SLC2A4RG: variants seen among roughly 807,000 people sequenced by gnomAD.
SLC2A4RG encodes the protein GLUT4 enhancer factor.
In SLC2A4RG, 23 loss-of-function variants were observed where a neutral mutation model predicts 35.5. That is an observed-to-expected ratio of 0.65 (90% CI 0.47 to 0.92). The LOEUF is 0.92. Among genes scored for constraint, SLC2A4RG ranks in the 40% least tolerant of loss-of-function variants. The pLI is 0.00. For missense variants in SLC2A4RG, 539 were observed against 525.0 expected, an observed-to-expected ratio of 1.03 and a Z score of -0.26; for synonymous variants, 306 against 243.7, an observed-to-expected ratio of 1.26 and a Z score of -2.38.
chr20:63,740,970 G>C (rs1170829997), intron 2 of SLC2A4RG, among the ~76,000 whole-genome samples: 1 of 152,174 alleles, frequency 6.6e-6, no homozygotes, highest in Non-Finnish European at 1.5e-5. Flanking sequence ...GGCTGCTGCC[G>C]GCTGCTGGCC....
Position 63,742,806 on chromosome 20 carries a change from G to C in SLC2A4RG, c.1052+16G>C. The C allele has an allele frequency of 6.4e-7, 1 of 1,574,720 alleles. No individual in the cohort carries two copies. The highest frequency in any genetic ancestry group is 8.6e-7 in the Non-Finnish European group (1 of 1,159,078). ...TCACCCTGAGGTGCGTGTGGGCTGAGGGCCTGCGGCTGGCACCAGGTGGGG... is the reference window on the plus strand; with the variant it reads ...TCACCCTGAGGTGCGTGTGGGCTGACGGCCTGCGGCTGGCACCAGGTGGGG... On this transcript the variant is annotated intron_variant, in intron 7 of 7. Coordinates refer to ENST00000266077, the MANE Select transcript of SLC2A4RG (RefSeq NM_020062.4).
chr20:63,741,907 C>A lies in SLC2A4RG; in HGVS notation c.430C>A (p.Pro144Thr), dbSNP rs759506230. 1.9e-6 allele frequency: 3 copies of A among 1,610,598 alleles called. No individual in the cohort carries two copies. The highest frequency in any genetic ancestry group is 2.5e-6 in the Non-Finnish European group (3 of 1,179,088). The part of the protein sequence containing the change: ...LEPWKEALVR[P>T]PGSYSSSSNS... ...GCCCTGGAAGGAGGCCCTGGTGCGG[C>A]CCCCAGGCAGCTACAGCAGCAGCAG... The change falls in exon 4 of 8, where the codon CCC (proline) becomes ACC (threonine). Residue 144 changes from proline (P) to threonine (T), a missense_variant. By Grantham distance (38) the Pro-to-Thr change is conservative (BLOSUM62 -1). Transcript: ENST00000266077.
chr20:63,741,468 C>T lies in SLC2A4RG; in HGVS notation c.380C>T (p.Ala127Val), dbSNP rs1390555575. Reference sequence around the variant, plus strand: ...CTCCTTCTGGGGGCCCCGGTTGCAGCCTTCAGCCCAGGTAAGACTCAGATG... The same window carrying T: ...CTCCTTCTGGGGGCCCCGGTTGCAGTCTTCAGCCCAGGTAAGACTCAGATG... ...SPLLLGAPVA[A>V]FSPEPGLEPW... The change falls in exon 3 of 8, where the codon GCC (alanine) becomes GTC (valine). Residue 127 changes from alanine (A) to valine (V), a missense_variant. Coordinates refer to ENST00000266077, the MANE Select transcript of SLC2A4RG (RefSeq NM_020062.4). 1.2e-6 allele frequency: 2 copies of T among 1,613,168 alleles called. No homozygotes were observed. The highest frequency in any genetic ancestry group is 1.7e-6 in the Non-Finnish European group (2 of 1,179,714).
chr20:63,743,732 C>T lies in SLC2A4RG; in HGVS notation c.*742C>T, dbSNP rs907553734. 6.6e-6 allele frequency: 1 copy of T among 152,386 alleles called. No homozygotes were observed. The highest frequency in any genetic ancestry group is 2.1e-4 in the South Asian group (1 of 4,828). The allele number at this position is 152,386 out of a possible 1,614,324, so 9.4% of individuals were successfully genotyped here. ...TTTGCAAGGATGTCTAAGCTAATCCCGTCACAGAAAGGAAACGCACAGGCG... is the reference window on the plus strand; with the variant it reads ...TTTGCAAGGATGTCTAAGCTAATCCTGTCACAGAAAGGAAACGCACAGGCG... On this transcript the variant is annotated 3_prime_UTR_variant, in exon 8 of 8. Coordinates refer to ENST00000266077, the MANE Select transcript of SLC2A4RG (RefSeq NM_020062.4).
At position 63,742,506 on chromosome 20, in the gene SLC2A4RG, C is replaced by A; in HGVS notation, c.851C>A (p.Pro284His). Residue 284 changes from proline to histidine, a missense_variant, in exon 6 of 8, where the codon CCC becomes CAC. Physicochemically the swap from Pro to His is moderately conservative, Grantham distance 77. Coordinates refer to ENST00000266077, the MANE Select transcript of SLC2A4RG (RefSeq NM_020062.4). ...CTGGAGCTGCCAGAGCTGCTGGAGC[C>A]CCCAGCCCTGCCTAGTCCCCTGCGG... ...PRLELPELLE[P>H]PALPSPLRPP... 6.4e-7 allele frequency: 1 copy of A among 1,568,232 alleles called. No homozygotes were observed. The highest frequency in any genetic ancestry group is 8.6e-7 in the Non-Finnish European group (1 of 1,157,324).
rs1166131517 is a variant in SLC2A4RG, at chr20:63,742,166, A to T, written c.616A>T (p.Ser206Cys). 6.2e-7 allele frequency: 1 copy of T among 1,605,038 alleles called. No individual in the cohort carries two copies. The highest frequency in any genetic ancestry group is 1.3e-5 in the African/African-American group (1 of 74,630). ...AQVMFQCLWK[S>C]CGKVLSTASA... ...GGTCATGTTCCAGTGTCTGTGGAAGAGCTGCGGGAAGGTGCTGAGCACGGC... is the reference window on the plus strand; with the variant it reads ...GGTCATGTTCCAGTGTCTGTGGAAGTGCTGCGGGAAGGTGCTGAGCACGGC... Residue 206 changes from serine to cysteine, a missense_variant, in exon 5 of 8, where the codon AGC becomes TGC. Coordinates refer to ENST00000266077, the MANE Select transcript of SLC2A4RG (RefSeq NM_020062.4).
Position 63,741,438 on chromosome 20 carries a change from G to A in SLC2A4RG, c.350G>A (p.Ser117Asn). Residue 117 changes from serine to asparagine, a missense_variant, in exon 3 of 8, where the codon AGC becomes AAC. Coordinates refer to ENST00000266077, the MANE Select transcript of SLC2A4RG (RefSeq NM_020062.4). ...AAAALTSLST[S>N]PLLLGAPVAA... The stretch of plus-strand genomic sequence containing the variant: ...GCTGCCCTTACAAGCCTGTCCACCA[G>A]CCCTCTCCTTCTGGGGGCCCCGGTT... 1 of 1,613,466 alleles carries A rather than the reference G, an allele frequency of 6.2e-7. No individual in the cohort carries two copies. Among genetic ancestry groups the A allele is most frequent in the Non-Finnish European group, 8.5e-7 (1 of 1,179,930 alleles).
At chr20:63,742,673 G>A (rs1179543866) in intron 6 of SLC2A4RG, 26 bp from the exon 7 acceptor site, 7 of 1,595,002 alleles carry the variant, frequency 4.4e-6, no homozygotes, top group Non-Finnish European at 6.0e-6. Context: ...GGAGGGGAGT[G>A]AAGCCCTGGC....
chr20:63,742,586 C>G lies in SLC2A4RG; in HGVS notation c.931C>G (p.Gln311Glu), dbSNP rs776097911. 14 of 1,578,724 alleles carry G rather than the reference C, an allele frequency of 8.9e-6. No homozygotes were observed. The highest frequency in any genetic ancestry group is 1.2e-5 in the South Asian group (1 of 86,452). ...TGTCCTGAGCACCGTTGCTAACCCC[C>G]AGTCCTGTCACAGTGACCGTGTCTA... The part of the protein sequence containing the change: ...PPVLSTVANP[Q>E]SCHSDRVYQG... Residue 311 changes from glutamine (Q) to glutamate (E), a missense_variant, in exon 6 of 8, where the codon CAG (glutamine) becomes GAG (glutamate). Transcript: ENST00000266077.
chr20:63,741,780 C>CA lies in SLC2A4RG; in HGVS notation c.392-88dup. The stretch of plus-strand genomic sequence containing the variant: ...TCCAAGACGCTCTGCCCACCAGTCT[C>CA]ACCGGACTTGGTGAACAGGGGCAGC... On this transcript the variant is annotated intron_variant, in intron 3 of 7. Transcript: ENST00000266077. 4 of 1,462,316 alleles carry CA rather than the reference C, an allele frequency of 2.7e-6. No homozygotes were observed. In the East Asian group the frequency reaches 7.5e-5, roughly 27 times the overall value. The allele number at this position is 1,462,316 out of a possible 1,614,324, so 90.6% of individuals were successfully genotyped here.
Position 63,740,045 on chromosome 20 carries a change from GGCGCCGGTGGGCGGGGGC to G in SLC2A4RG, c.126+10_126+27del. The G allele has an allele frequency of 1.0e-6, 1 of 976,422 alleles. No homozygotes were observed. Among genetic ancestry groups the G allele is most frequent in the Non-Finnish European group, 1.2e-6 (1 of 823,722 alleles). The allele number at this position is 976,422 out of a possible 1,614,324, so 60.5% of individuals were successfully genotyped here. The stretch of plus-strand genomic sequence containing the variant: ...GGTGCCCACGCCGCCGCAGGTACCG[GGCGCCGGTGGGCGGGGGC>G]GCCGACCAAGTTTCTCTCGCTGCAA... On this transcript the variant is annotated splice_region_variant and intron_variant, in intron 1 of 7. Transcript: ENST00000266077.
intron 2 of SLC2A4RG, among the ~76,000 whole-genome samples, chr20:63,740,799 G>A (rs2092037669): frequency 6.6e-6 from 1 of 152,180 alleles, no homozygotes; most frequent in Non-Finnish European, 1.5e-5. Context: ...CTGCGCGGTC[G>A]GCATGGGGCG....
chr20:63,740,814 T>C (rs1420232192), intron 2 of SLC2A4RG, among the ~76,000 whole-genome samples: 1 of 152,126 alleles, frequency 6.6e-6, no homozygotes, highest in Non-Finnish European at 1.5e-5. Context: ...GGGGCGACTG[T>C]CCAGGAATCC....
At chr20:63,742,812 G>A in intron 7 of SLC2A4RG, 22 bp downstream of exon 7, 1 of 1,574,396 alleles carries the variant, frequency 6.4e-7, no homozygotes, top group Non-Finnish European at 8.6e-7. Flanking sequence ...CTGAGGGCCT[G>A]CGGCTGGCAC....
Position 63,742,729 on chromosome 20 carries a change from C to T in SLC2A4RG, c.991C>T (p.Gln331Ter), listed in dbSNP as rs781392838. 6.3e-7 allele frequency: 1 copy of T among 1,598,160 alleles called. No homozygotes were observed. The highest frequency in any genetic ancestry group is 8.5e-7 in the Non-Finnish European group (1 of 1,173,494). Residue 331 changes from glutamine to a stop codon, truncating the protein, a stop_gained, in exon 7 of 8, where the codon CAG (glutamine) becomes TAG (stop). Transcript: ENST00000266077. LOFTEE classifies it high-confidence loss of function. Reference protein sequence around the residue: ...GCLTPARLEPQPTEVGACPPA... With the variant: ...GCLTPARLEP ...CCTGACGCCCGCCCGCCTGGAGCCG[C>T]AGCCCACGGAGGTCGGAGCCTGCCC... is the stretch of plus-strand genomic sequence containing the variant.
At position 63,742,113 on chromosome 20, in the gene SLC2A4RG, G is replaced by A. The variant is rs373881062; in HGVS notation, c.580-17G>A. 4.4e-6 allele frequency: 7 copies of A among 1,602,776 alleles called. No individual in the cohort carries two copies. The highest frequency in any genetic ancestry group is 1.1e-5 in the South Asian group (1 of 89,690). The stretch of plus-strand genomic sequence containing the variant: ...GGGTGTGGCGGCTGAGCCTGACCCT[G>A]GCCCCTGTTGCTGCAGAGCCCGGCC... On this transcript the variant is annotated splice_polypyrimidine_tract_variant and intron_variant, in intron 4 of 7. Coordinates refer to ENST00000266077, the MANE Select transcript of SLC2A4RG (RefSeq NM_020062.4).
At position 63,740,517 on chromosome 20, in the gene SLC2A4RG, C is replaced by G; in HGVS notation, c.267C>G (p.Pro89=). Residue 89 remains proline (P), a synonymous_variant, in exon 2 of 8, where the codon CCC becomes CCG. Transcript: ENST00000266077. ...CCCGGACTCCGTCGGCGCACATCCC[C>G]GTCCCAGCGCAGAGGTGAGCGGGAG... The part of the protein sequence containing the change: ...AGPRTPSAHI[P]VPAQRATPGK... 3 of 1,229,522 alleles carry G rather than the reference C, an allele frequency of 2.4e-6. No individual in the cohort carries two copies. Among genetic ancestry groups the G allele is most frequent in the Non-Finnish European group, 3.0e-6 (3 of 986,116 alleles). 76.2% of individuals were successfully genotyped at this position (1,229,522 alleles called of 1,614,324 possible). A position where few individuals can be genotyped will look rare whatever the true frequency, so the allele number is the denominator to read the frequency against.
In SLC2A4RG at chr20:63,741,945, C is replaced by T. The variant is rs758732939; in HGVS notation, c.468C>T (p.Asp156=). 2 of 1,612,716 alleles carry T rather than the reference C, an allele frequency of 1.2e-6. No homozygotes were observed. Among genetic ancestry groups the T allele is most frequent in the African/African-American group, 1.3e-5 (1 of 74,946 alleles). Reference sequence around the variant, plus strand: ...ACAGCAGCAGCAGCAACAGTGGAGACTGGGGATGGGACCTGGCCAGTGACC... The same window carrying T: ...ACAGCAGCAGCAGCAACAGTGGAGATTGGGGATGGGACCTGGCCAGTGACC... ...GSYSSSSNSG[D]WGWDLASDQS... is the part of the protein sequence containing the mutation. Residue 156 remains aspartate, a synonymous_variant, in exon 4 of 8, where the codon GAC becomes GAT. Coordinates refer to ENST00000266077, the MANE Select transcript of SLC2A4RG (RefSeq NM_020062.4).
At position 63,741,829 on chromosome 20, in the gene SLC2A4RG, C is replaced by A. The variant is rs751445201; in HGVS notation, c.392-40C>A. On this transcript the variant is annotated intron_variant, in intron 3 of 7. Coordinates refer to ENST00000266077, the MANE Select transcript of SLC2A4RG (RefSeq NM_020062.4). ...GCTCAGGATTAGGGACTCCCTGGAC[C>A]CACCCGAAGTTCTAAGGCGGGGGGC... is the stretch of plus-strand genomic sequence containing the variant. The A allele has an allele frequency of 4.0e-5, 62 of 1,534,908 alleles. No homozygotes were observed. In the South Asian group the frequency reaches 7.1e-4, roughly 18 times the overall value.
Sources: gnomAD v4.1 joint callset for allele counts (sites outside exome capture counted in the v4.1 genomes callset) on GRCh38, gnomAD v4.1.1 for gene constraint, MANE v1.5 for transcripts, NCBI Gene and HGNC (gene_info 2026-07-23, HGNC 2026-07-21) for gene names.